The following SSBP3 variants were observed in gnomAD, a reference collection of about 807,000 sequenced individuals.
SSBP3 encodes single-stranded DNA-binding protein 3.
A neutral mutation model predicts 69.6 loss-of-function variants in SSBP3; 5 were observed. The ratio of observed to expected loss-of-function variants is 0.07; its 90% CI spans 0.04 to 0.15. SSBP3 has a LOEUF of 0.15. Among genes scored for constraint, SSBP3 ranks in the 10% least tolerant of loss-of-function variants. SSBP3 has a pLI of 1.00. For synonymous variants in SSBP3, 196 were observed against 193.4 expected, an observed-to-expected ratio of 1.01 and a Z score of -0.11; for missense variants, 312 against 534.0, an observed-to-expected ratio of 0.58 and a Z score of 4.10.
At chr1:54,351,568 C>T (rs151267597) in intron 4 of SSBP3, among the ~76,000 whole-genome samples, 43 of 152,322 alleles carry the variant, frequency 2.8e-4, no homozygotes, top group Non-Finnish European at 4.3e-4. Context: ...CTAAAAGTCA[C>T]AGATCTCAAG....
exon 18 of SSBP3, chr1:54,225,951 A>C (rs528954899): frequency 6.6e-6 from 1 of 152,278 alleles, no homozygotes; most frequent in East Asian, 1.9e-4. Context: ...AATTCTGATC[A>C]GTATCCCATC....
intron 4 of SSBP3, among the ~76,000 whole-genome samples, chr1:54,392,900 T>C (rs1648598220): frequency 6.6e-6 from 1 of 152,184 alleles, no homozygotes; most frequent in Non-Finnish European, 1.5e-5. Flanking sequence ...ACAGAGTTAG[T>C]TCCTGGGGAA....
intron 4 of SSBP3, among the ~76,000 whole-genome samples, chr1:54,353,915 C>T (rs1438026011): frequency 6.6e-6 from 1 of 152,184 alleles, no homozygotes; most frequent in Non-Finnish European, 1.5e-5. Context: ...CAGGTCAGCA[C>T]CTTCATTCTA....
chr1:54,407,188 TAAG>T (rs1366965896), upstream of SSBP3, among the ~76,000 whole-genome samples: 2 of 151,702 alleles, frequency 1.3e-5, no homozygotes, highest in Admixed American at 6.5e-5. Context: ...GGACTTGAAT[TAAG>T]AGGAGGGAGA....
At chr1:54,234,363 AAT>A (rs1491042528) in intron 14 of SSBP3, among the ~76,000 whole-genome samples, 1 of 151,220 alleles carries the variant, frequency 6.6e-6, no homozygotes, top group Admixed American at 6.6e-5. Flanking sequence ...AATTAAAAAA[AAT>A]AAATAAAAAT....
intron 4 of SSBP3, among the ~76,000 whole-genome samples, chr1:54,375,222 G>C (rs138153452): frequency 6.6e-6 from 1 of 152,192 alleles, no homozygotes; most frequent in East Asian, 1.9e-4. Context: ...TGACAGTGCT[G>C]AAAAGTCACC....
intron 4 of SSBP3, chr1:54,285,382 C>T (rs1354905286): frequency 6.6e-6 from 1 of 152,196 alleles, no homozygotes; most frequent in African/African-American, 2.4e-5. Context: ...CTGCACCAAC[C>T]CTCCTGCAGC....
At chr1:54,368,119 T>C (rs1186983534) in intron 4 of SSBP3, among the ~76,000 whole-genome samples, 1 of 151,714 alleles carries the variant, frequency 6.6e-6, no homozygotes, top group Non-Finnish European at 1.5e-5. Flanking sequence ...CTGGCCAACA[T>C]GGTGAAACCC....
At chr1:54,356,095 C>A (rs1007675642) in intron 4 of SSBP3, among the ~76,000 whole-genome samples, 2 of 152,174 alleles carry the variant, frequency 1.3e-5, no homozygotes, top group Non-Finnish European at 2.9e-5. Flanking sequence ...GGTCACCTAC[C>A]AGATTAGAAG....
At chr1:54,238,644 A>C (rs1350139418) in intron 14 of SSBP3, 11 of 313,814 alleles carry the variant, frequency 3.5e-5, no homozygotes. Flanking sequence ...AGAGGCAAAG[A>C]AGCTGCCAGG....
At chr1:54,356,240 T>A (rs1452404180) in intron 4 of SSBP3, among the ~76,000 whole-genome samples, 1 of 152,004 alleles carries the variant, frequency 6.6e-6, no homozygotes, top group African/African-American at 2.4e-5. Context: ...CTAGGTGCGT[T>A]TTTACAAATT....
intron 4 of SSBP3, among the ~76,000 whole-genome samples, chr1:54,300,065 C>T (rs1024338200): frequency 6.6e-6 from 1 of 152,162 alleles, no homozygotes; most frequent in Non-Finnish European, 1.5e-5. Flanking sequence ...ACCATCCAAT[C>T]CTAGCTATTT....
At chr1:54,270,648 G>C (rs943307578) in intron 5 of SSBP3, among the ~76,000 whole-genome samples, 1 of 152,172 alleles carries the variant, frequency 6.6e-6, no homozygotes, top group Non-Finnish European at 1.5e-5. Context: ...GGCAGCTCTT[G>C]TTCTTGGGTA....
chr1:54,407,126 A>G (rs576628143), upstream of SSBP3, among the ~76,000 whole-genome samples: 7 of 151,680 alleles, frequency 4.6e-5, no homozygotes, highest in African/African-American at 1.7e-4. Context: ...CCGCGCGAAA[A>G]TGGCCCTTGG....
chr1:54,370,275 G>A (rs1270455282), intron 4 of SSBP3, among the ~76,000 whole-genome samples: 3 of 152,182 alleles, frequency 2.0e-5, no homozygotes, highest in South Asian at 4.1e-4. Context: ...CAAACGACCA[G>A]GAAACAACAT....
chr1:54,325,217 C>G (rs1401513246), intron 4 of SSBP3, among the ~76,000 whole-genome samples: 1 of 152,210 alleles, frequency 6.6e-6, no homozygotes, highest in African/African-American at 2.4e-5. Flanking sequence ...CGCCCAGTGC[C>G]TTTCGGTATT....
chr1:54,395,793 G>A (rs138047010), intron 4 of SSBP3, among the ~76,000 whole-genome samples: 98 of 152,266 alleles, frequency 6.4e-4, no homozygotes, highest in African/African-American at 2.3e-3. Flanking sequence ...CAAGCCACCA[G>A]TCACAACCCA....
chr1:54,405,335 G>A (rs973049193), intron 1 of SSBP3: 18 of 251,182 alleles, frequency 7.2e-5, no homozygotes, highest in South Asian at 6.3e-4. Context: ...GCGCGCTCTG[G>A]AGAGGGCAGC....
chr1:54,242,090 C>T, intron 11 of SSBP3, 74 bp downstream of exon 11: 1 of 1,554,124 alleles, frequency 6.4e-7, no homozygotes, highest in South Asian at 1.1e-5. Context: ...ACACCTACAC[C>T]CAGGGACAGT....
Sources: allele counts gnomAD v4.1 joint callset (sites outside exome capture counted in the v4.1 genomes callset), GRCh38; gene constraint gnomAD v4.1.1; transcripts MANE v1.5; gene names NCBI Gene and HGNC (gene_info 2026-07-23, HGNC 2026-07-21).